The following PDE10A variants were observed in gnomAD, a reference collection of about 807,000 sequenced individuals.
PDE10A encodes cAMP and cAMP-inhibited cGMP 3',5'-cyclic phosphodiesterase 10A.
Under a neutral mutation model 97.7 loss-of-function variants are expected in PDE10A, and 39 were observed. The ratio of observed to expected loss-of-function variants is 0.40; its 90% confidence interval spans 0.31 to 0.52. The LOEUF (loss-of-function observed/expected upper bound fraction) is 0.52, where lower values mean the gene tolerates loss of function less well. PDE10A is among the 20% of genes least tolerant of loss of function. The pLI, the probability that PDE10A is intolerant of heterozygous loss-of-function variation, is 0.56. For synonymous variants in PDE10A, 371 were observed against 376.8 expected, an observed-to-expected ratio of 0.98 and a Z score of 0.18; for missense variants, 731 against 1,047.8, an observed-to-expected ratio of 0.70 and a Z score of 4.17.
intron 1 of PDE10A, among the ~76,000 whole-genome samples, chr6:165,982,200 T>C (rs1477046363): frequency 6.6e-6 from 1 of 152,082 alleles, no homozygotes; most frequent in Non-Finnish European, 1.5e-5. Context: ...GCTCAAGAAA[T>C]TGAAGGAACG....
chr6:165,473,645 C>T (rs1779137853), intron 3 of PDE10A, among the ~76,000 whole-genome samples: 1 of 152,048 alleles, frequency 6.6e-6, no homozygotes, highest in Non-Finnish European at 1.5e-5. Flanking sequence ...ATGTAGAACA[C>T]CTGCCATGTA....
intron 19 of PDE10A, 110 bp from the exon 20 acceptor site, chr6:165,339,468 T>C: frequency 2.8e-6 from 2 of 714,846 alleles, no homozygotes; most frequent in South Asian, 1.7e-5. Context: ...AAACAAATAA[T>C]GTTTGTGGTT....
intron 17 of PDE10A, among the ~76,000 whole-genome samples, chr6:165,383,840 G>A (rs1394074370): frequency 6.6e-6 from 1 of 152,174 alleles, no homozygotes; most frequent in Non-Finnish European, 1.5e-5. Flanking sequence ...GGGCAGTGCT[G>A]TACCCCAGTC....
At chr6:165,966,411 T>C (rs1426904445) in intron 1 of PDE10A, among the ~76,000 whole-genome samples, 3 of 152,236 alleles carry the variant, frequency 2.0e-5, no homozygotes, top group Non-Finnish European at 4.4e-5. Context: ...TGTGTCTCGC[T>C]GTAGCCTACT....
At chr6:165,920,558 A>G (rs550933818) in intron 1 of PDE10A, among the ~76,000 whole-genome samples, 1 of 152,124 alleles carries the variant, frequency 6.6e-6, no homozygotes, top group East Asian at 1.9e-4. Flanking sequence ...ACACACACAC[A>G]CACACACACA....
chr6:165,330,814 C>T lies in PDE10A; in HGVS notation c.*2211G>A, dbSNP rs1277206172. On this transcript the variant is annotated 3_prime_UTR_variant, in exon 22 of 22. Transcript: ENST00000539869. Reference sequence around the variant, plus strand: ...TAAACAATAATCTTAAATAATATATCCCTTCCTGAAATTCCATCTCCAAGC... The same window carrying T: ...TAAACAATAATCTTAAATAATATATTCCTTCCTGAAATTCCATCTCCAAGC... 6.6e-6 allele frequency: 1 copy of T among 152,086 alleles called. No homozygotes were observed. The highest frequency in any genetic ancestry group is 6.6e-5 in the Admixed American group (1 of 15,266). 9.4% of individuals were successfully genotyped at this position (152,086 alleles called of 1,614,324 possible).
chr6:165,468,989 T>C (rs1282594677), intron 3 of PDE10A, among the ~76,000 whole-genome samples: 4 of 152,216 alleles, frequency 2.6e-5, no homozygotes, highest in Non-Finnish European at 5.9e-5. Context: ...AAGAATGGTG[T>C]GGCAAAACAG....
rs1296639949 is a variant in PDE10A at position 165,663,001 on chromosome 6, G to GGAGGACCCGGGCCTGGGGGC, written c.-210_-191dup. On this transcript the variant is annotated 5_prime_UTR_variant, in exon 1 of 22. Transcript: ENST00000539869. Reference sequence around the variant, plus strand: ...CACATTGTGCTCGGCTTGGGTTGCGGGAGGACCCGGGCCTGGGGGCCAGGC... The same window carrying GGAGGACCCGGGCCTGGGGGC: ...CACATTGTGCTCGGCTTGGGTTGCGGGAGGACCCGGGCCTGGGGGCGAGGACCCGGGCCTGGGGGCCAGGC... 6.6e-6 allele frequency among the ~76,000 whole-genome samples: 1 copy of GGAGGACCCGGGCCTGGGGGC among 151,352 alleles called. No individual in the cohort carries two copies. Among genetic ancestry groups the GGAGGACCCGGGCCTGGGGGC allele is most frequent in the East Asian group, 2.0e-4 (1 of 5,066 alleles).
At position 165,633,076 on chromosome 6, in the gene PDE10A, T is replaced by A. The variant is rs1318108410; in HGVS notation, c.865+28871A>T. Among the ~76,000 whole-genome samples, 4 of 109,274 alleles carry A rather than the reference T, an allele frequency of 3.7e-5. No individual in the cohort carries two copies. In the East Asian group the frequency reaches 6.4e-4, roughly 17 times the overall value. 71.7% of individuals were successfully genotyped at this position (109,274 alleles called of 152,430 possible). A position where few individuals can be genotyped will look rare whatever the true frequency, so the allele number is the denominator to read the frequency against. On this transcript the variant is annotated intron_variant, in intron 1 of 21. Transcript: ENST00000539869. ...TTCTGAGAAGAAAGAAAAGTCACCG[T>A]GTCAAAAAAAAAAAAGAAAAGAAAA...
chr6:165,716,801 A>C (rs1482009916), intron 1 of PDE10A, among the ~76,000 whole-genome samples: 2 of 152,226 alleles, frequency 1.3e-5, no homozygotes, highest in Non-Finnish European at 2.9e-5. Flanking sequence ...TTTTATTTGC[A>C]ATGGCTATTC....
intron 1 of PDE10A, among the ~76,000 whole-genome samples, chr6:165,838,025 A>T (rs1421715776): frequency 1.3e-5 from 2 of 152,204 alleles, no homozygotes; most frequent in Non-Finnish European, 2.9e-5. Context: ...CTCAGGAAAG[A>T]GAGGAAGTTA....
chr6:165,644,296 C>T (rs950485097), intron 1 of PDE10A, among the ~76,000 whole-genome samples: 1 of 152,150 alleles, frequency 6.6e-6, no homozygotes, highest in Non-Finnish European at 1.5e-5. Context: ...CTCCTGACCT[C>T]GTGATCTGCC....
intron 1 of PDE10A, among the ~76,000 whole-genome samples, chr6:165,674,746 G>A (rs769525238): frequency 6.6e-6 from 1 of 152,176 alleles, no homozygotes; most frequent in Non-Finnish European, 1.5e-5. Flanking sequence ...CAAGGGCACG[G>A]AGGCAGAATG....
At position 165,672,616 on chromosome 6, in the gene PDE10A, T is replaced by A. The variant is rs181026636; in HGVS notation, c.-614-129048A>T. Among the ~76,000 whole-genome samples, 715 of 152,336 alleles carry A rather than the reference T, an allele frequency of 4.7e-3. 5 individuals are homozygous for A. The highest frequency in any genetic ancestry group is 0.013 in the South Asian group (61 of 4,828). On this transcript the variant is annotated intron_variant, in intron 1 of 19. Coordinates refer to the PDE10A transcript ENST00000366882. The stretch of plus-strand genomic sequence containing the variant: ...ATCATGAAGGCAGTTTCCCCCATAC[T>A]GTTCTCATGGTAGTGCTAAGGGGAA...
intron 1 of PDE10A, among the ~76,000 whole-genome samples, chr6:165,549,491 A>AT (rs1167056275): frequency 6.6e-6 from 1 of 151,864 alleles, no homozygotes; most frequent in African/African-American, 2.4e-5. Flanking sequence ...CGCCCGGCCA[A>AT]TTTTTTGTAT....
At chr6:165,895,692 G>A (rs181240375) in intron 1 of PDE10A, among the ~76,000 whole-genome samples, 109 of 152,224 alleles carry the variant, frequency 7.2e-4, no homozygotes, top group Middle Eastern at 3.4e-3. Context: ...CCCAAGTCCT[G>A]ACCCCACCCC....
intron 18 of PDE10A, among the ~76,000 whole-genome samples, chr6:165,365,733 A>T (rs758189530): frequency 9.9e-5 from 15 of 152,168 alleles, no homozygotes; most frequent in Admixed American, 3.9e-4. Flanking sequence ...AAGTGAATTA[A>T]ATTAAATTAA....
intron 1 of PDE10A, among the ~76,000 whole-genome samples, chr6:165,810,474 C>T (rs12528503): frequency 0.22 from 33,453 of 152,092 alleles, 4,251 homozygotes; most frequent in African/African-American, 0.36. Context: ...CCATCACATC[C>T]TCAGAGCACT....
At position 165,336,223 on chromosome 6, in the gene PDE10A, C is replaced by A; in HGVS notation, c.2977-12G>T. The stretch of plus-strand genomic sequence containing the variant: ...TTGTAGAACCCAAGCTGCCTCCATG[C>A]AAAAACCACGGACAAGAAACAAAAG... On this transcript the variant is annotated splice_polypyrimidine_tract_variant and intron_variant, in intron 20 of 21. Transcript: ENST00000539869. 1 of 1,602,616 alleles carries A rather than the reference C, an allele frequency of 6.2e-7. No individual in the cohort carries two copies. The highest frequency in any genetic ancestry group is 8.5e-7 in the Non-Finnish European group (1 of 1,170,400).
Sources: gnomAD v4.1 joint callset for allele counts (sites outside exome capture counted in the v4.1 genomes callset) on GRCh38, gnomAD v4.1.1 for gene constraint, MANE v1.5 for transcripts, NCBI Gene and HGNC (gene_info 2026-07-23, HGNC 2026-07-21) for gene names.